SRD5A2: variants seen among roughly 807,000 people sequenced by gnomAD.
The protein encoded by SRD5A2 is 3-oxo-5-alpha-steroid 4-dehydrogenase 2.
SRD5A2 carries 30 observed loss-of-function variants against 27.4 expected under a neutral mutation model. The ratio of observed to expected loss-of-function variants is 1.10; its 90% CI spans 0.82 to 1.49. SRD5A2 has a LOEUF of 1.49. Ranked by LOEUF, SRD5A2 falls within the 40% of genes most tolerant of loss-of-function variation. The pLI, the probability that SRD5A2 is intolerant of heterozygous loss-of-function variation, is 0.00. For synonymous variants in SRD5A2, 141 were observed against 133.6 expected, an observed-to-expected ratio of 1.06 and a Z score of -0.38; for missense variants, 348 against 323.4, an observed-to-expected ratio of 1.08 and a Z score of -0.58.
intron 1 of SRD5A2, 138 bp downstream of exon 1, chr2:31,580,482 G>T: frequency 8.9e-7 from 1 of 1,121,042 alleles, no homozygotes. Flanking sequence ...GGTGCGCCAG[G>T]CAGGCTGGCC....
the SRD5A2 span, among the ~76,000 whole-genome samples, chr2:31,625,478 G>A: frequency 6.6e-6 from 1 of 152,122 alleles, no homozygotes; most frequent in South Asian, 2.1e-4. Context: ...TTCTTCCAGG[G>A]TTTTTATGGT....
chr2:31,643,545 T>A, the SRD5A2 span, among the ~76,000 whole-genome samples: 1 of 152,266 alleles, frequency 6.6e-6, no homozygotes, highest in South Asian at 2.1e-4. Flanking sequence ...GCAATGTGCA[T>A]ACGTAGTACC....
intron 1 of SRD5A2, among the ~76,000 whole-genome samples, chr2:31,558,783 C>T (rs754872212): frequency 1.3e-5 from 2 of 152,042 alleles, no homozygotes; most frequent in Non-Finnish European, 2.9e-5. Context: ...AGGTTTGCAG[C>T]CTAGGAACAA....
the SRD5A2 span, among the ~76,000 whole-genome samples, chr2:31,625,196 T>C: frequency 6.6e-6 from 1 of 152,234 alleles, no homozygotes; most frequent in African/African-American, 2.4e-5. Flanking sequence ...TGCCCACTTT[T>C]TGATGGGGTT....
chr2:31,541,580 T>A (rs1164491265), intron 1 of SRD5A2, among the ~76,000 whole-genome samples: 5 of 151,378 alleles, frequency 3.3e-5, no homozygotes, highest in African/African-American at 4.9e-5. Flanking sequence ...TTTAACAAAC[T>A]ATCTACACAC....
At chr2:31,594,687 C>G in the SRD5A2 span, among the ~76,000 whole-genome samples, 1 of 152,088 alleles carries the variant, frequency 6.6e-6, no homozygotes, top group African/African-American at 2.4e-5. Context: ...TGGACTTAAA[C>G]TATACCCTAT....
chr2:31,569,677 C>CAAAAAAAAAAAAAAAAAAAAAAA (rs11421066), intron 1 of SRD5A2, among the ~76,000 whole-genome samples: 1 of 138,576 alleles, frequency 7.2e-6, no homozygotes, highest in Non-Finnish European at 1.6e-5. Flanking sequence ...AAACAAAAAA[C>CAAAAAAAAAAAAAAAAAAAAAAA]AAAAAAAAAA....
intron 1 of SRD5A2, among the ~76,000 whole-genome samples, chr2:31,566,335 A>G (rs564746974): frequency 6.6e-6 from 1 of 152,246 alleles, no homozygotes; most frequent in Non-Finnish European, 1.5e-5. Context: ...AAGTAAGCAT[A>G]AGAAAAAACA....
chr2:31,549,957 C>T (rs997164381), intron 1 of SRD5A2, among the ~76,000 whole-genome samples: 53 of 152,064 alleles, frequency 3.5e-4, no homozygotes, highest in African/African-American at 1.3e-3. Flanking sequence ...TTTCAAGTGG[C>T]CATGGGATAT....
At chr2:31,532,361 TCACACA>T (rs35752905) in intron 2 of SRD5A2, among the ~76,000 whole-genome samples, 2,269 of 143,770 alleles carry the variant, frequency 0.016, 29 homozygotes, top group African/African-American at 0.031. Flanking sequence ...CACTGCCAGT[TCACACA>T]CACACACACA....
chr2:31,560,042 A>G (rs1399590237), intron 1 of SRD5A2, among the ~76,000 whole-genome samples: 5 of 138,952 alleles, frequency 3.6e-5, no homozygotes, highest in Admixed American at 7.7e-5. Flanking sequence ...CACAATATCT[A>G]TGTACATACC....
In SRD5A2 at chr2:31,523,485, C is replaced by T. The variant is rs1665703200; in HGVS notation, c.*2711G>A. 9.0e-6 allele frequency: 2 copies of T among 221,092 alleles called. No homozygotes were observed. Among genetic ancestry groups the T allele is most frequent in the South Asian group, 1.8e-4 (1 of 5,414 alleles). The allele number at this position is 221,092 out of a possible 1,614,324, so 13.7% of individuals were successfully genotyped here. A position where few individuals can be genotyped will look rare whatever the true frequency, so the allele number is the denominator to read the frequency against. ...TACCAGCTGTGAGGAGGCCTTTTAA[C>T]TCTGTGGGTCTCAGTGTCACTACCT... On this transcript the variant is annotated 3_prime_UTR_variant, in exon 5 of 5. Coordinates refer to ENST00000622030, the MANE Select transcript of SRD5A2 (RefSeq NM_000348.4).
the SRD5A2 span, among the ~76,000 whole-genome samples, chr2:31,641,927 G>C: frequency 6.6e-6 from 1 of 151,826 alleles, no homozygotes; most frequent in African/African-American, 2.4e-5. Flanking sequence ...GAAAAGCAAA[G>C]CAACTAGAAT....
chr2:31,560,723 C>G (rs981637751), intron 1 of SRD5A2, among the ~76,000 whole-genome samples: 1 of 152,108 alleles, frequency 6.6e-6, no homozygotes, highest in Non-Finnish European at 1.5e-5. Context: ...CTTTTATGCA[C>G]CTGCTCTTTT....
At chr2:31,559,346 C>T (rs1666567256) in intron 1 of SRD5A2, among the ~76,000 whole-genome samples, 1 of 152,170 alleles carries the variant, frequency 6.6e-6, no homozygotes, top group Non-Finnish European at 1.5e-5. Context: ...AAAGACTTCC[C>T]TGGAAACCAC....
At chr2:31,590,297 T>C in the SRD5A2 span, among the ~76,000 whole-genome samples, 1 of 152,178 alleles carries the variant, frequency 6.6e-6, no homozygotes, top group East Asian at 1.9e-4. Context: ...GGCAAGATTA[T>C]ATCCTCCATG....
At chr2:31,622,411 T>C in the SRD5A2 span, among the ~76,000 whole-genome samples, 1 of 152,138 alleles carries the variant, frequency 6.6e-6, no homozygotes, top group Non-Finnish European at 1.5e-5. Flanking sequence ...TTTTCTATTA[T>C]AAATAGTGCT....
At chr2:31,647,429 G>A in the SRD5A2 span, among the ~76,000 whole-genome samples, 1 of 152,094 alleles carries the variant, frequency 6.6e-6, no homozygotes, top group Non-Finnish European at 1.5e-5. Flanking sequence ...CATATCGTTG[G>A]CATTCCCCCG....
chr2:31,567,454 G>A (rs201039466), intron 1 of SRD5A2, among the ~76,000 whole-genome samples: 1,668 of 91,932 alleles, frequency 0.018, 18 homozygotes, highest in Non-Finnish European at 0.024. Flanking sequence ...GTGTGTGTGT[G>A]TGTATATATA....
Sources: gnomAD v4.1 joint callset for allele counts (sites outside exome capture counted in the v4.1 genomes callset) on GRCh38, gnomAD v4.1.1 for gene constraint, MANE v1.5 for transcripts, NCBI Gene and HGNC (gene_info 2026-07-23, HGNC 2026-07-21) for gene names.